NBEAL1: variants seen among roughly 807,000 people sequenced by gnomAD.
NBEAL1 encodes neurobeachin-like protein 1.
In NBEAL1, 273 loss-of-function variants were observed where a neutral mutation model predicts 351.3. That is an observed-to-expected ratio of 0.78 (90% CI 0.70 to 0.86). The LOEUF (loss-of-function observed/expected upper bound fraction) is 0.86, where lower values mean the gene tolerates loss of function less well. Among genes scored for constraint, NBEAL1 ranks in the 40% least tolerant of loss-of-function variants. The pLI, the probability that NBEAL1 is intolerant of heterozygous loss-of-function variation, is 0.00. For missense variants in NBEAL1, 2,961 were observed against 3,201.3 expected (o/e 0.92, Z 1.81); for synonymous variants, 1,050 against 1,086.4 (o/e 0.97, Z 0.66).
intron 20 of NBEAL1, 105 bp downstream of exon 20, chr2:203,125,625 G>A (rs2062919816): frequency 9.5e-7 from 1 of 1,051,354 alleles, no homozygotes; most frequent in African/African-American, 1.7e-5. Flanking sequence ...TTAACCATTT[G>A]TAGCTGTAGC....
intron 7 of NBEAL1, among the ~76,000 whole-genome samples, chr2:203,072,424 A>T (rs369953339): frequency 1.1e-3 from 170 of 148,194 alleles, no homozygotes; most frequent in African/African-American, 3.6e-3. Flanking sequence ...TTTTTTTTTT[A>T]AATTTGGATA....
At position 203,016,345 on chromosome 2, in the gene NBEAL1, T is replaced by G; in HGVS notation, c.-40T>G. ...GACATGCTGTAGTCTTGAACATAAT[T>G]TTTTTAAGGAAAACTTAAAGTGCCA... On this transcript the variant is annotated 5_prime_UTR_variant, in exon 2 of 56. The change creates a new upstream start codon in the 5' untranslated region. Transcript: ENST00000683969. 1.4e-6 allele frequency: 2 copies of G among 1,414,842 alleles called. No individual in the cohort carries two copies. The highest frequency in any genetic ancestry group is 1.9e-6 in the Non-Finnish European group (2 of 1,054,994). 87.6% of individuals were successfully genotyped at this position (1,414,842 alleles called of 1,614,324 possible).
intron 49 of NBEAL1, among the ~76,000 whole-genome samples, chr2:203,199,674 T>C (rs1330622155): frequency 6.6e-6 from 1 of 151,604 alleles, no homozygotes; most frequent in East Asian, 1.9e-4. Context: ...AGAAATTGAG[T>C]TTCACCATGT....
intron 17 of NBEAL1, among the ~76,000 whole-genome samples, chr2:203,113,562 A>G (rs1280971104): frequency 1.3e-5 from 2 of 152,160 alleles, no homozygotes; most frequent in Admixed American, 6.5e-5. Flanking sequence ...GTTATCATCC[A>G]TAATACTGCC....
At chr2:203,165,281 TTAAG>T (rs1232846761) in intron 36 of NBEAL1, among the ~76,000 whole-genome samples, 1 of 152,222 alleles carries the variant, frequency 6.6e-6, no homozygotes. Context: ...TGACTTCACT[TTAAG>T]TAAGGTATGG....
intron 31 of NBEAL1, among the ~76,000 whole-genome samples, chr2:203,142,671 C>T (rs2106331676): frequency 6.6e-6 from 1 of 151,946 alleles, no homozygotes; most frequent in South Asian, 2.1e-4. Flanking sequence ...AAGTTAAAAG[C>T]AAAACATTGG....
intron 6 of NBEAL1, among the ~76,000 whole-genome samples, chr2:203,060,390 C>T (rs946736886): frequency 1.3e-5 from 2 of 152,004 alleles, no homozygotes; most frequent in Admixed American, 6.6e-5. Flanking sequence ...AAAACATATA[C>T]GGATAACCAA....
intron 45 of NBEAL1, among the ~76,000 whole-genome samples, chr2:203,189,716 A>G (rs1206234615): frequency 6.6e-6 from 1 of 152,070 alleles, no homozygotes; most frequent in South Asian, 2.1e-4. Flanking sequence ...ATATCATTTA[A>G]CTTTCAATTG....
intron 6 of NBEAL1, among the ~76,000 whole-genome samples, chr2:203,066,802 C>T (rs2061596946): frequency 6.7e-6 from 1 of 148,516 alleles, no homozygotes; most frequent in Admixed American, 6.7e-5. Context: ...AGGTGCACCT[C>T]ACTTCCCAGA....
intron 35 of NBEAL1, among the ~76,000 whole-genome samples, chr2:203,152,674 T>C (rs1319940538): frequency 6.6e-6 from 1 of 152,136 alleles, no homozygotes; most frequent in Non-Finnish European, 1.5e-5. Flanking sequence ...CTTTCCTTTA[T>C]AACTGTCTCA....
At chr2:203,200,353 A>C (rs188035266) in intron 49 of NBEAL1, among the ~76,000 whole-genome samples, 3,476 of 152,170 alleles carry the variant, frequency 0.023, 128 homozygotes, top group African/African-American at 0.078. Flanking sequence ...TCTACTAAAA[A>C]TACAAAAAAA....
intron 2 of NBEAL1, among the ~76,000 whole-genome samples, chr2:203,027,713 A>G (rs1234263448): frequency 2.0e-5 from 3 of 151,994 alleles, no homozygotes; most frequent in Admixed American, 2.0e-4. Context: ...AAATATATGG[A>G]CTTTCTGTTT....
At chr2:203,042,567 C>T (rs570073904) in intron 3 of NBEAL1, among the ~76,000 whole-genome samples, 3 of 151,488 alleles carry the variant, frequency 2.0e-5, no homozygotes, top group East Asian at 1.9e-4. Context: ...AGTTCCAGCC[C>T]TCTAATTAAT....
intron 47 of NBEAL1, 48 bp downstream of exon 47, chr2:203,193,959 T>C (rs1259449863): frequency 9.2e-7 from 1 of 1,084,146 alleles, no homozygotes; most frequent in Admixed American, 2.1e-5. Flanking sequence ...CTAAATTCTG[T>C]ACATTTTAAA....
In NBEAL1 at chr2:203,031,583, A is replaced by G. The variant is rs138003276; in HGVS notation, c.52-10182A>G. ...AATGTCAGCTACTTCTCTAAGGGCA[A>G]TTTTGAGATGCATTTTAATTTCAAA... is the stretch of plus-strand genomic sequence containing the variant. On this transcript the variant is annotated intron_variant, in intron 2 of 55. Coordinates refer to ENST00000683969, the MANE Select transcript of NBEAL1 (RefSeq NM_001378026.1). Among the ~76,000 whole-genome samples, 21 of 152,330 alleles carry G rather than the reference A, an allele frequency of 1.4e-4. 1 individual carries two copies. The highest frequency in any genetic ancestry group is 5.1e-4 in the African/African-American group (21 of 41,584).
intron 12 of NBEAL1, among the ~76,000 whole-genome samples, chr2:203,100,891 T>C (rs1218578830): frequency 6.6e-6 from 1 of 152,100 alleles, no homozygotes; most frequent in Non-Finnish European, 1.5e-5. Flanking sequence ...TTTGCGCACT[T>C]TTTAGTCGGG....
chr2:203,033,599 A>C (rs2060988427), intron 2 of NBEAL1, among the ~76,000 whole-genome samples: 1 of 152,174 alleles, frequency 6.6e-6, no homozygotes, highest in Non-Finnish European at 1.5e-5. Flanking sequence ...TGCAGAAATT[A>C]CTCATAATGA....
At chr2:203,040,175 A>G (rs1023456441) in intron 2 of NBEAL1, 7 of 1,521,340 alleles carry the variant, frequency 4.6e-6, no homozygotes, top group African/African-American at 4.1e-5. Context: ...AGGAAGGCTT[A>G]TCAAGCCCTC....
chr2:203,087,747 G>A lies in NBEAL1; in HGVS notation c.1098+3178G>A, dbSNP rs188323561. On this transcript the variant is annotated intron_variant, in intron 10 of 55. Coordinates refer to ENST00000683969, the MANE Select transcript of NBEAL1 (RefSeq NM_001378026.1). ...CCTGGGTCTAGATAGATACATATTA[G>A]TATCTTTTAGAAGTCTGTGGGGTGA... Among the ~76,000 whole-genome samples, 318 of 152,188 alleles carry A rather than the reference G, an allele frequency of 2.1e-3. 3 individuals carry two copies. The highest frequency in any genetic ancestry group is 1.1e-3 in the Non-Finnish European group (74 of 68,014).
Sources: gnomAD v4.1 joint callset for allele counts (sites outside exome capture counted in the v4.1 genomes callset) on GRCh38, gnomAD v4.1.1 for gene constraint, MANE v1.5 for transcripts, NCBI Gene and HGNC (gene_info 2026-07-23, HGNC 2026-07-21) for gene names.